The following TCF12 variants were observed in gnomAD, a reference collection of about 807,000 sequenced individuals.
TCF12 encodes the protein transcription factor 12, also known as DNA-binding protein HTF4.
Under a neutral mutation model 86.0 loss-of-function variants are expected in TCF12, and 45 were observed. That is an observed-to-expected ratio of 0.52 (90% CI 0.41 to 0.67). The LOEUF is 0.67. Among genes scored for constraint, TCF12 ranks in the 30% least tolerant of loss-of-function variants. The pLI, the probability that TCF12 is intolerant of heterozygous loss-of-function variation, is 0.00. For missense variants in TCF12, 881 were observed against 859.9 expected (o/e 1.02, Z -0.31); for synonymous variants, 330 against 299.6 (o/e 1.10, Z -1.05).
chr15:57,085,463 G>A (rs140183279), intron 4 of TCF12, among the ~76,000 whole-genome samples: 2 of 152,088 alleles, frequency 1.3e-5, no homozygotes, highest in Non-Finnish European at 2.9e-5. Flanking sequence ...CTACATGCCC[G>A]TTAGTGTGCT....
intron 5 of TCF12, among the ~76,000 whole-genome samples, chr15:57,164,418 A>C (rs545918543): frequency 2.6e-5 from 4 of 152,242 alleles, no homozygotes; most frequent in Non-Finnish European, 4.4e-5. Context: ...GGGGAAGCAA[A>C]AGTGTCCTCC....
intron 3 of TCF12, among the ~76,000 whole-genome samples, chr15:57,016,888 AC>A (rs2065182465): frequency 6.6e-6 from 1 of 152,182 alleles, no homozygotes; most frequent in African/African-American, 2.4e-5. Flanking sequence ...AGCCATACTT[AC>A]TGTGCATTAT....
intron 3 of TCF12, among the ~76,000 whole-genome samples, chr15:57,041,103 C>A (rs1398938619): frequency 6.6e-6 from 1 of 152,100 alleles, no homozygotes; most frequent in Non-Finnish European, 1.5e-5. Context: ...GATGTCCTAC[C>A]TGACATCAGG....
At chr15:57,180,332 T>C (rs912569786) in intron 6 of TCF12, among the ~76,000 whole-genome samples, 1 of 151,912 alleles carries the variant, frequency 6.6e-6, no homozygotes, top group African/African-American at 2.4e-5. Flanking sequence ...GATTTACAGC[T>C]AAAACACAAT....
intron 17 of TCF12, 93 bp from the exon 18 acceptor site, chr15:57,263,019 A>G (rs1248848871): frequency 7.5e-7 from 1 of 1,329,386 alleles, no homozygotes; most frequent in Non-Finnish European, 1.0e-6. Flanking sequence ...ACTGCTAAGG[A>G]TATTCACCAG....
intron 8 of TCF12, among the ~76,000 whole-genome samples, chr15:57,230,568 C>G (rs1167981083): frequency 1.3e-5 from 2 of 152,006 alleles, no homozygotes; most frequent in African/African-American, 4.8e-5. Context: ...TTTCTTAAAG[C>G]TTTGCCAGAC....
intron 11 of TCF12, 66 bp downstream of exon 11, chr15:57,232,922 A>C: frequency 9.5e-7 from 1 of 1,054,098 alleles, no homozygotes. Flanking sequence ...CGATATCTTT[A>C]TATATATATA....
chr15:57,072,106 A>G (rs1377658829), intron 4 of TCF12, among the ~76,000 whole-genome samples: 2 of 152,198 alleles, frequency 1.3e-5, no homozygotes, highest in African/African-American at 2.4e-5. Flanking sequence ...AAAAAATAGG[A>G]TGATCTGAAA....
At chr15:57,220,157 G>A (rs1434701919) in intron 8 of TCF12, among the ~76,000 whole-genome samples, 1 of 152,110 alleles carries the variant, frequency 6.6e-6, no homozygotes, top group African/African-American at 2.4e-5. Context: ...GTTGTTATTA[G>A]CCTGATATCT....
At chr15:57,163,695 C>G (rs2054657296) in intron 5 of TCF12, among the ~76,000 whole-genome samples, 1 of 152,134 alleles carries the variant, frequency 6.6e-6, no homozygotes, top group Non-Finnish European at 1.5e-5. Context: ...AGAGCGAGAC[C>G]TTGTCTCAAA....
chr15:57,010,849 G>A (rs1193469224), intron 3 of TCF12, among the ~76,000 whole-genome samples: 2 of 152,146 alleles, frequency 1.3e-5, no homozygotes, highest in Non-Finnish European at 2.9e-5. Flanking sequence ...TCTTGGTGTT[G>A]TATAACTTAA....
intron 3 of TCF12, among the ~76,000 whole-genome samples, chr15:57,025,035 A>C (rs549373892): frequency 1.4e-4 from 22 of 151,826 alleles, no homozygotes; most frequent in Non-Finnish European, 2.6e-4. Flanking sequence ...CAGCACCTAA[A>C]TTCAAATCTA....
intron 3 of TCF12, among the ~76,000 whole-genome samples, chr15:56,927,841 C>T (rs2060083342): frequency 6.6e-6 from 1 of 152,082 alleles, no homozygotes; most frequent in Non-Finnish European, 1.5e-5. Context: ...AAATTAGTGA[C>T]TTTGGTTGAT....
At chr15:56,934,009 C>T (rs2060361643) in intron 3 of TCF12, among the ~76,000 whole-genome samples, 1 of 151,906 alleles carries the variant, frequency 6.6e-6, no homozygotes. Flanking sequence ...ATAAATTCAT[C>T]AGAATCTCAG....
At chr15:57,135,898 C>G (rs978406014) in intron 5 of TCF12, among the ~76,000 whole-genome samples, 1 of 150,958 alleles carries the variant, frequency 6.6e-6, no homozygotes, top group Non-Finnish European at 1.5e-5. Context: ...GACATCTATT[C>G]TAGCTGTGTT....
intron 7 of TCF12, among the ~76,000 whole-genome samples, chr15:57,192,607 C>G (rs1162699620): frequency 6.6e-6 from 1 of 152,088 alleles, no homozygotes; most frequent in Non-Finnish European, 1.5e-5. Flanking sequence ...AGGCTGCTCT[C>G]GAACTCCTGA....
intron 20 of TCF12, among the ~76,000 whole-genome samples, chr15:57,285,817 T>C (rs1474644256): frequency 6.6e-6 from 1 of 152,198 alleles, no homozygotes; most frequent in Non-Finnish European, 1.5e-5. Flanking sequence ...TAGTCCCAGC[T>C]ACTCAAAGAC....
intron 4 of TCF12, among the ~76,000 whole-genome samples, chr15:57,085,529 A>G (rs1452950558): frequency 6.6e-6 from 1 of 152,220 alleles, no homozygotes; most frequent in African/African-American, 2.4e-5. Flanking sequence ...CCGCTCTCAC[A>G]TAACAGACTG....
chr15:57,266,850 T>A (rs1410167215), intron 18 of TCF12, among the ~76,000 whole-genome samples: 1 of 152,080 alleles, frequency 6.6e-6, no homozygotes, highest in Non-Finnish European at 1.5e-5. Context: ...CAGCCTGGGC[T>A]ACATAGCTAG....
Sources: gnomAD v4.1 joint callset for allele counts (sites outside exome capture counted in the v4.1 genomes callset) on GRCh38, gnomAD v4.1.1 for gene constraint, MANE v1.5 for transcripts, NCBI Gene and HGNC (gene_info 2026-07-23, HGNC 2026-07-21) for gene names.